The following MYT1L variants were observed in gnomAD, a reference collection of about 807,000 sequenced individuals.
The protein encoded by MYT1L is myelin transcription factor 1 like.
A neutral mutation model predicts 126.7 loss-of-function variants in MYT1L; 12 were observed. That is an observed-to-expected ratio of 0.09 (90% confidence interval 0.06 to 0.15). The LOEUF is 0.15. MYT1L is among the 10% of genes least tolerant of loss of function. MYT1L has a pLI of 1.00. For missense variants in MYT1L, 979 were observed against 1,585.2 expected (o/e 0.62, Z 6.49); for synonymous variants, 541 against 604.2 (o/e 0.90, Z 1.53).
intron 3 of MYT1L, among the ~76,000 whole-genome samples, chr2:2,094,978 C>G (rs1182979432): frequency 6.6e-6 from 1 of 152,222 alleles, no homozygotes; most frequent in African/African-American, 2.4e-5. Context: ...GCCCTGTTGT[C>G]ACCTGCTGCT....
Position 2,078,921 on chromosome 2 carries a change from T to C in MYT1L, c.-303-24798A>G, listed in dbSNP as rs556431457. Among the ~76,000 whole-genome samples the C allele has an allele frequency of 2.8e-4, 43 of 152,308 alleles. No homozygotes were observed. The South Asian group carries it at 8.9e-3, about 32-fold the overall frequency. On this transcript the variant is annotated intron_variant, in intron 3 of 24. Transcript: ENST00000647738. ...AATTCTAACCCCCAAGGTAATGGTA[T>C]TAAGGGATGGGGTCCTTGGAAGGTG...
intron 13 of MYT1L, among the ~76,000 whole-genome samples, chr2:1,904,446 G>A (rs899974490): frequency 7.2e-5 from 11 of 152,078 alleles, no homozygotes; most frequent in Admixed American, 3.3e-4. Flanking sequence ...TCAGCTCACT[G>A]CCACCCCCAC....
rs372748061 is a variant in MYT1L at position 1,889,396 on chromosome 2, T to A, written c.2365A>T (p.Ile789Phe). Residue 789 changes from isoleucine (I) to phenylalanine (F), a missense_variant, in exon 16 of 25, where the codon ATC becomes TTC. Coordinates refer to ENST00000647738, the MANE Select transcript of MYT1L (RefSeq NM_001303052.2). This position sits in a 1 kb window ranked among gnomAD's most constrained non-coding sequence, Gnocchi z 4.1. Reference sequence around the variant, plus strand: ...GACATGGGCTCCAGAGGGGTCAGGATGGGGCAGCAGCTGTCCCGCGGCCTC... The same window carrying A: ...GACATGGGCTCCAGAGGGGTCAGGAAGGGGCAGCAGCTGTCCCGCGGCCTC... ...KQRPRDSCCPILTPLEPMSPQ... is the reference protein window; with the variant it reads ...KQRPRDSCCPFLTPLEPMSPQ... The A allele has an allele frequency of 3.7e-6, 6 of 1,613,832 alleles. No homozygotes were observed. Among genetic ancestry groups the A allele is most frequent in the Non-Finnish European group, 5.1e-6 (6 of 1,179,900 alleles).
At chr2:2,200,604 A>T (rs2093025228) in intron 2 of MYT1L, among the ~76,000 whole-genome samples, 1 of 152,162 alleles carries the variant, frequency 6.6e-6, no homozygotes, top group Non-Finnish European at 1.5e-5. Context: ...TGACATATTC[A>T]CCGGTTCCAG....
intron 1 of MYT1L, among the ~76,000 whole-genome samples, chr2:2,328,358 G>T (rs1013477192): frequency 3.9e-5 from 6 of 152,104 alleles, no homozygotes; most frequent in African/African-American, 1.4e-4. Context: ...AAACATAACA[G>T]GGACAGTGAA....
intron 2 of MYT1L, among the ~76,000 whole-genome samples, chr2:2,181,132 G>GTACC (rs1371229527): frequency 1.3e-5 from 2 of 151,904 alleles, no homozygotes; most frequent in Non-Finnish European, 2.9e-5. Context: ...GTGTGCCTGT[G>GTACC]TACCTGTGTC....
At chr2:2,266,499 G>GGGTGA (rs2095134147) in intron 2 of MYT1L, among the ~76,000 whole-genome samples, 1 of 152,148 alleles carries the variant, frequency 6.6e-6, no homozygotes, top group Non-Finnish European at 1.5e-5. Context: ...GGGTGGGGTG[G>GGGTGA]GGTGAGGGAC....
chr2:2,237,516 G>T (rs896228116), intron 2 of MYT1L, among the ~76,000 whole-genome samples: 1 of 152,182 alleles, frequency 6.6e-6, no homozygotes, highest in African/African-American at 2.4e-5. Context: ...CTAACAAAAA[G>T]CAGTTTTTGT....
intron 3 of MYT1L, among the ~76,000 whole-genome samples, chr2:2,086,763 A>G (rs1206321145): frequency 6.6e-6 from 1 of 151,974 alleles, no homozygotes; most frequent in Admixed American, 6.6e-5. Flanking sequence ...GTTTCTTGGA[A>G]CTTCCCCTTA....
intron 9 of MYT1L, among the ~76,000 whole-genome samples, chr2:1,939,845 C>T (rs12714314): frequency 0.24 from 36,777 of 152,176 alleles, 4,516 homozygotes; most frequent in East Asian, 0.31. Context: ...GAAACACCCA[C>T]GTGGGGCTCC....
At chr2:2,234,415 C>T (rs1284088189) in intron 2 of MYT1L, among the ~76,000 whole-genome samples, 1 of 152,316 alleles carries the variant, frequency 6.6e-6, no homozygotes, top group South Asian at 2.1e-4. Context: ...TACAAAAGTG[C>T]TTCAAACAAT....
chr2:2,279,560 T>TGAAGGAAGGAAG (rs1249876476), intron 2 of MYT1L, among the ~76,000 whole-genome samples: 3 of 56,866 alleles, frequency 5.3e-5, no homozygotes, highest in African/African-American at 2.1e-4. Flanking sequence ...AGAGAAGGAA[T>TGAAGGAAGGAAG]GAATGAATGA....
chr2:2,218,368 G>A (rs1460252034), intron 2 of MYT1L, among the ~76,000 whole-genome samples: 1 of 152,154 alleles, frequency 6.6e-6, no homozygotes, highest in African/African-American at 2.4e-5. Flanking sequence ...ACAGGCAGTG[G>A]AATACTAATT....
chr2:1,842,273 T>A (rs563467156), intron 19 of MYT1L: 2 of 152,522 alleles, frequency 1.3e-5, no homozygotes, highest in South Asian at 4.1e-4. Flanking sequence ...TTGGCCATCC[T>A]CCTCCCTGTT....
At chr2:1,940,545 G>A (rs1279738710) in intron 9 of MYT1L, among the ~76,000 whole-genome samples, 1 of 150,500 alleles carries the variant, frequency 6.6e-6, no homozygotes, top group African/African-American at 2.4e-5. Flanking sequence ...ACATCTCCCT[G>A]TGGCTGCACC....
At chr2:2,079,848 T>TA (rs1268900412) in intron 3 of MYT1L, among the ~76,000 whole-genome samples, 35 of 150,430 alleles carry the variant, frequency 2.3e-4, no homozygotes, top group Admixed American at 2.2e-3. Flanking sequence ...AAATCTTGAA[T>TA]AAAAAAAATA....
intron 4 of MYT1L, among the ~76,000 whole-genome samples, chr2:2,027,658 A>G (rs1162939707): frequency 6.6e-6 from 1 of 152,222 alleles, no homozygotes; most frequent in African/African-American, 2.4e-5. Flanking sequence ...TACCCACTAA[A>G]AGGCTGGTTA....
At chr2:2,215,827 G>A (rs1359148583) in intron 2 of MYT1L, among the ~76,000 whole-genome samples, 1 of 152,040 alleles carries the variant, frequency 6.6e-6, no homozygotes. Flanking sequence ...CAGTGTTGGA[G>A]GTGGTCCCTC....
intron 4 of MYT1L, among the ~76,000 whole-genome samples, chr2:2,013,685 C>A (rs996761753): frequency 1.3e-5 from 2 of 152,236 alleles, no homozygotes; most frequent in Non-Finnish European, 1.5e-5. Context: ...CTGCCACCAA[C>A]TCCATCTCGC....
Sources: gnomAD v4.1 joint callset for allele counts (sites outside exome capture counted in the v4.1 genomes callset) on GRCh38, gnomAD v4.1.1 for gene constraint, Gnocchi (gnomAD v3.1) non-coding constraint, MANE v1.5 for transcripts, NCBI Gene and HGNC (gene_info 2026-07-23, HGNC 2026-07-21) for gene names.